CCDC85C: variants seen among roughly 807,000 people sequenced by gnomAD.
CCDC85C encodes coiled-coil domain-containing protein 85C.
In CCDC85C, 18 loss-of-function variants were observed where a neutral mutation model predicts 38.3. The observed-to-expected ratio is 0.47, with a 90% CI of 0.33 to 0.70. The LOEUF (loss-of-function observed/expected upper bound fraction) is 0.70. Among genes scored for constraint, CCDC85C ranks in the 30% least tolerant of loss-of-function variants. The pLI is 0.03. For missense variants in CCDC85C, 566 were observed against 621.2 expected, an observed-to-expected ratio of 0.91 and a Z score of 0.94; for synonymous variants, 264 against 293.8, an observed-to-expected ratio of 0.90 and a Z score of 1.04.
At chr14:99,561,665 C>T (rs1232057669) in intron 1 of CCDC85C, among the ~76,000 whole-genome samples, 3 of 152,200 alleles carry the variant, frequency 2.0e-5, no homozygotes, top group Non-Finnish European at 2.9e-5. Context: ...GATGAGGAAA[C>T]AGCCCCCAGG....
chr14:99,568,246 C>CTTTTTTTTTTTTTTTTTTTTTTTTTTT lies in CCDC85C; in HGVS notation c.794-32159_794-32158insAAAAAAAAAAAAAAAAAAAAAAAAAAA, dbSNP rs776784723. ...AGACACTCTCTGGAGGCCACCTGCCCTTTATTTTTTTTTTTTTTTTTTTTG... is the reference window on the plus strand; with the variant it reads ...AGACACTCTCTGGAGGCCACCTGCCCTTTTTTTTTTTTTTTTTTTTTTTTTTTTTTATTTTTTTTTTTTTTTTTTTTG... On this transcript the variant is annotated intron_variant, in intron 1 of 5. Transcript: ENST00000380243. Among the ~76,000 whole-genome samples the CTTTTTTTTTTTTTTTTTTTTTTTTTTT allele has an allele frequency of 6.1e-5, 7 of 114,488 alleles. 2 individuals are homozygous for CTTTTTTTTTTTTTTTTTTTTTTTTTTT. The highest frequency in any genetic ancestry group is 3.4e-5 in the Non-Finnish European group (2 of 58,428). The allele number at this position is 114,488 out of a possible 152,430, so 75.1% of individuals were successfully genotyped here.
At position 99,572,041 on chromosome 14, in the gene CCDC85C, G is replaced by C. The variant is rs139090045; in HGVS notation, c.793+31126C>G. On this transcript the variant is annotated intron_variant, in intron 1 of 5. Coordinates refer to ENST00000380243, the MANE Select transcript of CCDC85C (RefSeq NM_001144995.2). The surrounding 1 kb of genome is among the most constrained non-coding windows in gnomAD (Gnocchi z 4.4). ...CCTGCAGCAGGCACCCTTCCACGGG[G>C]CATCTCAGAGCGTGATCCCCAGAGC... Among the ~76,000 whole-genome samples the C allele has an allele frequency of 5.2e-3, 785 of 152,298 alleles. 5 individuals carry two copies. Among genetic ancestry groups the C allele is most frequent in the African/African-American group, 0.018 (744 of 41,550 alleles).
chr14:99,561,559 C>T (rs1161420947), intron 1 of CCDC85C, among the ~76,000 whole-genome samples: 3 of 152,224 alleles, frequency 2.0e-5, no homozygotes, highest in East Asian at 1.9e-4. Flanking sequence ...CTTTGTTGGG[C>T]ACCAGGGGCG....
At chr14:99,562,835 A>G (rs1181776170) in intron 1 of CCDC85C, among the ~76,000 whole-genome samples, 1 of 152,074 alleles carries the variant, frequency 6.6e-6, no homozygotes, top group Non-Finnish European at 1.5e-5. Flanking sequence ...ACACAAGTGC[A>G]TATTCACACA....
At chr14:99,518,251 C>T (rs11625671) in intron 3 of CCDC85C, among the ~76,000 whole-genome samples, 67,414 of 151,924 alleles carry the variant, frequency 0.44, 16,831 homozygotes, top group Non-Finnish European at 0.58. Flanking sequence ...GTGCCCTCCC[C>T]GCCCGCCCTG....
chr14:99,527,875 C>T lies in CCDC85C; in HGVS notation c.868-5635G>A, dbSNP rs551812501. ...CTTCAAAGTGGGGATTAGCACCAGCCCTGCCGCCCTGCAGAGGCGGGAGGA... is the reference window on the plus strand; with the variant it reads ...CTTCAAAGTGGGGATTAGCACCAGCTCTGCCGCCCTGCAGAGGCGGGAGGA... On this transcript the variant is annotated intron_variant, in intron 2 of 5. Coordinates refer to ENST00000380243, the MANE Select transcript of CCDC85C (RefSeq NM_001144995.2). 7.2e-5 allele frequency among the ~76,000 whole-genome samples: 11 copies of T among 152,304 alleles called. No homozygotes were observed. In the South Asian group the frequency reaches 2.3e-3, roughly 32 times the overall value.
intron 1 of CCDC85C, among the ~76,000 whole-genome samples, chr14:99,574,729 G>A (rs555898488): frequency 2.4e-4 from 37 of 152,350 alleles, no homozygotes; most frequent in African/African-American, 5.8e-4. Flanking sequence ...GTGTCCGCCC[G>A]AGGGGCACCA....
intron 1 of CCDC85C, among the ~76,000 whole-genome samples, chr14:99,543,673 T>C (rs895120125): frequency 2.0e-5 from 3 of 151,454 alleles, no homozygotes; most frequent in Non-Finnish European, 4.4e-5. Flanking sequence ...GGCAGGGAGG[T>C]AGAGCCACAA....
At chr14:99,587,137 TG>T (rs2055035869) in intron 1 of CCDC85C, among the ~76,000 whole-genome samples, 1 of 152,242 alleles carries the variant, frequency 6.6e-6, no homozygotes. Flanking sequence ...TCCCTAGGCC[TG>T]CCAGAGGTCT....
At chr14:99,583,889 T>C (rs1185794138) in intron 1 of CCDC85C, among the ~76,000 whole-genome samples, 4 of 145,094 alleles carry the variant, frequency 2.8e-5, no homozygotes, top group African/African-American at 1.0e-4. Context: ...CACAGAGAAA[T>C]GAGTGTGTGT....
In CCDC85C at chr14:99,603,236, C is replaced by T; in HGVS notation, c.724G>A (p.Ala242Thr). Residue 242 changes from alanine to threonine, a missense_variant, in exon 1 of 6, where the codon GCC becomes ACC. By Grantham distance (58) the Ala-to-Thr change is moderately conservative. Around this residue, in one of 3 missense-constraint regions of CCDC85C, gnomAD observed 286 missense variants for 276.4 expected, o/e 1.03. Coordinates refer to ENST00000380243, the MANE Select transcript of CCDC85C (RefSeq NM_001144995.2). This position sits in a 1 kb window ranked among gnomAD's most constrained non-coding sequence, Gnocchi z 7.5. ...PHKAPDGKAG[A>T]TRRSLDDLSA... ...AAGTCGTCCAGGGACCGACGTGTGG[C>T]TCCTGCCTTGCCGTCGGGGGCCTTG... 1 of 1,408,566 alleles carries T rather than the reference C, an allele frequency of 7.1e-7. No homozygotes were observed. Among genetic ancestry groups the T allele is most frequent in the Non-Finnish European group, 9.2e-7 (1 of 1,085,934 alleles). 87.3% of individuals were successfully genotyped at this position (1,408,566 alleles called of 1,614,324 possible).
At chr14:99,594,911 G>A (rs1448813940) in intron 1 of CCDC85C, among the ~76,000 whole-genome samples, 2 of 152,244 alleles carry the variant, frequency 1.3e-5, no homozygotes, top group Non-Finnish European at 2.9e-5. Context: ...TGATGTGTCT[G>A]CATATTTATC....
intron 2 of CCDC85C, among the ~76,000 whole-genome samples, chr14:99,529,284 T>G (rs1897448303): frequency 1.3e-5 from 2 of 152,136 alleles, no homozygotes; most frequent in Non-Finnish European, 2.9e-5. Flanking sequence ...CCTTCCCAGG[T>G]CCCTCTGCAG....
At chr14:99,566,440 C>T (rs577774031) in intron 1 of CCDC85C, among the ~76,000 whole-genome samples, 1 of 152,284 alleles carries the variant, frequency 6.6e-6, no homozygotes, top group Admixed American at 6.5e-5. Context: ...GGCTCACAGC[C>T]GGGATCTTCA....
Position 99,502,738 on chromosome 14 carries a change from G to A in CCDC85C, c.*12508C>T, listed in dbSNP as rs778898292. ...ATTTAGACATCTGCCACCAAATCCT[G>A]GATCTTTACTCACAAGGAAAACAAC... On this transcript the variant is annotated 3_prime_UTR_variant, in exon 6 of 6. Transcript: ENST00000380243. 4.3e-6 allele frequency: 7 copies of A among 1,613,210 alleles called. No individual in the cohort carries two copies. The highest frequency in any genetic ancestry group is 5.9e-6 in the Non-Finnish European group (7 of 1,179,410).
chr14:99,592,875 G>A (rs1209374889), intron 1 of CCDC85C, among the ~76,000 whole-genome samples: 1 of 152,230 alleles, frequency 6.6e-6, no homozygotes, highest in African/African-American at 2.4e-5. Flanking sequence ...GGAGGGGCTG[G>A]GCAAAGGCGA....
At chr14:99,581,187 G>A (rs2054964738) in intron 1 of CCDC85C, among the ~76,000 whole-genome samples, 1 of 152,190 alleles carries the variant, frequency 6.6e-6, no homozygotes, top group South Asian at 2.1e-4. Flanking sequence ...TGTGCCCAGT[G>A]CCACCCTACC....
At chr14:99,559,551 T>G (rs4905854) in intron 1 of CCDC85C, among the ~76,000 whole-genome samples, 86,044 of 151,972 alleles carry the variant, frequency 0.57, 25,100 homozygotes, top group African/African-American at 0.71. Flanking sequence ...TGACTTCCAT[T>G]GAGGTAACTC....
At chr14:99,515,419 G>T in intron 5 of CCDC85C, 84 bp from the exon 6 acceptor site, 1 of 994,690 alleles carries the variant, frequency 1.0e-6, no homozygotes, top group Non-Finnish European at 1.5e-6. Context: ...CATCACGGCA[G>T]AATCACCCAC....
Sources: gnomAD v4.1 joint callset for allele counts (sites outside exome capture counted in the v4.1 genomes callset) on GRCh38, gnomAD v4.1.1 for gene constraint, gnomAD v4.1.1 regional missense constraint, Gnocchi (gnomAD v3.1) non-coding constraint, MANE v1.5 for transcripts, NCBI Gene and HGNC (gene_info 2026-07-23, HGNC 2026-07-21) for gene names.